The following ZNF407 variants were observed in gnomAD, a reference collection of about 807,000 sequenced individuals.
ZNF407 encodes the protein zinc finger protein 407.
A neutral mutation model predicts 131.2 loss-of-function variants in ZNF407; 17 were observed. That is an observed-to-expected ratio of 0.13 (90% CI 0.09 to 0.19). The LOEUF (loss-of-function observed/expected upper bound fraction) is 0.19. Ranked by LOEUF, ZNF407 falls within the 10% of genes least tolerant of loss-of-function variation. The pLI, the probability that ZNF407 is intolerant of heterozygous loss-of-function variation, is 1.00. For synonymous variants in ZNF407, 1,156 were observed against 1,062.0 expected (o/e 1.09, Z -1.72); for missense variants, 2,681 against 2,830.6 (o/e 0.95, Z 1.20).
intron 8 of ZNF407, among the ~76,000 whole-genome samples, chr18:75,052,673 C>T (rs1299573298): frequency 6.6e-6 from 1 of 152,200 alleles, no homozygotes; most frequent in African/African-American, 2.4e-5. Context: ...TGATAGAGCT[C>T]GTTTCTTAGG....
chr18:74,976,711 C>T (rs1248905109), intron 8 of ZNF407, among the ~76,000 whole-genome samples: 1 of 152,226 alleles, frequency 6.6e-6, no homozygotes, highest in Non-Finnish European at 1.5e-5. Context: ...AGCGTAATCT[C>T]TCACTGAGGC....
intron 1 of ZNF407, among the ~76,000 whole-genome samples, chr18:74,620,328 T>C (rs1983462992): frequency 6.6e-6 from 1 of 152,194 alleles, no homozygotes; most frequent in Non-Finnish European, 1.5e-5. Context: ...TTTATAAAGC[T>C]GTTAGTACAT....
intron 7 of ZNF407, among the ~76,000 whole-genome samples, chr18:74,913,003 A>G (rs1043546871): frequency 6.6e-5 from 10 of 152,228 alleles, no homozygotes; most frequent in African/African-American, 2.2e-4. Flanking sequence ...TAAAACTCCA[A>G]TGAGATACCA....
intron 3 of ZNF407, among the ~76,000 whole-genome samples, chr18:74,768,348 A>G (rs1969288144): frequency 6.6e-6 from 1 of 152,172 alleles, no homozygotes; most frequent in African/African-American, 2.4e-5. Context: ...TGACTCATTG[A>G]TGTCTGCTGC....
chr18:75,016,218 C>T (rs1216203561), intron 8 of ZNF407, among the ~76,000 whole-genome samples: 3 of 152,046 alleles, frequency 2.0e-5, no homozygotes, highest in Non-Finnish European at 4.4e-5. Flanking sequence ...GCACACTATT[C>T]TGTGAGTCAA....
rs1262897332 is a variant in ZNF407 at position 75,065,002 on chromosome 18, AT to A, written c.*546del. On this transcript the variant is annotated 3_prime_UTR_variant, in exon 9 of 9. Transcript: ENST00000299687. ...TCTTGAAGCAGTCCACTTCCATTCA[AT>A]TTTTTTTTTTTAATTTTAGAATAAC... 0.035 allele frequency: 5,125 copies of A among 147,986 alleles called. 247 individuals carry two copies. The highest frequency in any genetic ancestry group is 0.11 in the African/African-American group (4,483 of 40,604). The allele number at this position is 147,986 out of a possible 1,614,324, so 9.2% of individuals were successfully genotyped here.
At chr18:74,889,171 C>T (rs1022642477) in intron 6 of ZNF407, among the ~76,000 whole-genome samples, 3 of 152,134 alleles carry the variant, frequency 2.0e-5, no homozygotes, top group African/African-American at 7.2e-5. Context: ...TAGGTTGTTT[C>T]GTCTAGGTTT....
At chr18:74,748,729 T>C (rs1427509752) in intron 3 of ZNF407, among the ~76,000 whole-genome samples, 3 of 152,196 alleles carry the variant, frequency 2.0e-5, no homozygotes, top group Admixed American at 1.3e-4. Flanking sequence ...GGCAGTATCC[T>C]ATGATCTTCA....
intron 1 of ZNF407, among the ~76,000 whole-genome samples, chr18:74,599,441 CCAAA>C (rs1982478808): frequency 6.6e-6 from 1 of 152,162 alleles, no homozygotes; most frequent in African/African-American, 2.4e-5. Flanking sequence ...TTGCTTTATG[CCAAA>C]CACCCTTCTA....
At chr18:74,743,307 C>T (rs1022631017) in intron 3 of ZNF407, among the ~76,000 whole-genome samples, 2 of 151,964 alleles carry the variant, frequency 1.3e-5, no homozygotes, top group African/African-American at 4.8e-5. Flanking sequence ...CTCTTTGATA[C>T]TGAACTCGGA....
At chr18:74,691,813 G>T (rs1202326832) in intron 3 of ZNF407, among the ~76,000 whole-genome samples, 1 of 152,072 alleles carries the variant, frequency 6.6e-6, no homozygotes, top group Non-Finnish European at 1.5e-5. Flanking sequence ...ATATTTATGG[G>T]CCGAGTTTGT....
At chr18:74,930,073 T>G (rs1971965100) in intron 8 of ZNF407, among the ~76,000 whole-genome samples, 1 of 152,218 alleles carries the variant, frequency 6.6e-6, no homozygotes, top group Non-Finnish European at 1.5e-5. Context: ...TTATCATTTT[T>G]CCACTCACAT....
chr18:74,786,237 A>G (rs1373670595), intron 4 of ZNF407, among the ~76,000 whole-genome samples: 2 of 152,312 alleles, frequency 1.3e-5, no homozygotes, highest in East Asian at 1.9e-4. Flanking sequence ...GTGAGTTTCT[A>G]TAAGGTAAAT....
intron 3 of ZNF407, among the ~76,000 whole-genome samples, chr18:74,716,146 G>A (rs897144003): frequency 6.6e-6 from 1 of 152,180 alleles, no homozygotes; most frequent in Non-Finnish European, 1.5e-5. Context: ...CTTTTGGCAG[G>A]TTTTTAATTT....
intron 1 of ZNF407, among the ~76,000 whole-genome samples, chr18:74,602,203 G>A (rs930960981): frequency 1.2e-4 from 19 of 152,224 alleles, no homozygotes; most frequent in Non-Finnish European, 2.1e-4. Flanking sequence ...AGTTGATGGC[G>A]GTGTAGGAGT....
chr18:74,883,753 C>G (rs1971270523), intron 6 of ZNF407, among the ~76,000 whole-genome samples: 1 of 152,204 alleles, frequency 6.6e-6, no homozygotes, highest in African/African-American at 2.4e-5. Flanking sequence ...ATGACGACAG[C>G]CCTTCTGCTG....
intron 4 of ZNF407, among the ~76,000 whole-genome samples, chr18:74,812,666 C>T (rs745882634): frequency 3.8e-4 from 58 of 152,152 alleles, no homozygotes; most frequent in Admixed American, 6.5e-4. Context: ...TGAAACTTCC[C>T]CCATTGCCTC....
At chr18:74,700,863 T>A (rs993289820) in intron 3 of ZNF407, among the ~76,000 whole-genome samples, 2 of 152,204 alleles carry the variant, frequency 1.3e-5, no homozygotes, top group African/African-American at 4.8e-5. Context: ...TTGGAGCGTA[T>A]TTATTAGTAT....
At chr18:74,863,176 C>G (rs1970961952) in intron 4 of ZNF407, among the ~76,000 whole-genome samples, 1 of 151,812 alleles carries the variant, frequency 6.6e-6, no homozygotes, top group Non-Finnish European at 1.5e-5. Context: ...CCACCTCGGC[C>G]TCCCAAATTG....
Sources: gnomAD v4.1 joint callset for allele counts (sites outside exome capture counted in the v4.1 genomes callset) on GRCh38, gnomAD v4.1.1 for gene constraint, MANE v1.5 for transcripts, NCBI Gene and HGNC (gene_info 2026-07-23, HGNC 2026-07-21) for gene names.